TPGS2: variants seen among roughly 807,000 people sequenced by gnomAD.
TPGS2 encodes the protein tubulin polyglutamylase complex subunit 2.
In TPGS2, 26 loss-of-function variants were observed where a neutral mutation model predicts 31.1. That is an observed-to-expected ratio of 0.84 (90% confidence interval 0.61 to 1.16). TPGS2 has a LOEUF of 1.16. TPGS2 is among the 50% of genes most tolerant of loss of function. The pLI is 0.00. For synonymous variants in TPGS2, 130 were observed against 136.6 expected (o/e 0.95, Z 0.34); for missense variants, 351 against 363.8 (o/e 0.96, Z 0.29).
chr18:36,780,544 T>C (rs1303489164), downstream of TPGS2, among the ~76,000 whole-genome samples: 2 of 152,320 alleles, frequency 1.3e-5, no homozygotes, highest in African/African-American at 2.4e-5. Flanking sequence ...GGATATGTGC[T>C]GAGAAATGTG....
chr18:36,827,283 T>C (rs1655731542), intron 1 of TPGS2, among the ~76,000 whole-genome samples: 1 of 152,134 alleles, frequency 6.6e-6, no homozygotes, highest in African/African-American at 2.4e-5. Context: ...TAATTTCAAG[T>C]AGTGAAAGTG....
Position 36,796,442 on chromosome 18 carries a change from C to T in TPGS2, c.*363G>A. 9.7e-7 allele frequency: 1 copy of T among 1,032,834 alleles called. No homozygotes were observed. Among genetic ancestry groups the T allele is most frequent in the Non-Finnish European group, 1.2e-6 (1 of 861,824 alleles). The allele number at this position is 1,032,834 out of a possible 1,614,324, so 64.0% of individuals were successfully genotyped here. ...ATGTGACTAGTGGCTCCTGAATGAA[C>T]AATGCAGTTCTAATGCTTCATGGGT... is the stretch of plus-strand genomic sequence containing the variant. On this transcript the variant is annotated 3_prime_UTR_variant, in exon 7 of 7. Transcript: ENST00000334295.
intron 4 of TPGS2, among the ~76,000 whole-genome samples, chr18:36,802,084 T>TC (rs2044846086): frequency 6.6e-6 from 1 of 152,234 alleles, no homozygotes; most frequent in Non-Finnish European, 1.5e-5. Flanking sequence ...CCACCAATAA[T>TC]CCAAACCACT....
At chr18:36,800,417 C>G in intron 4 of TPGS2, 106 bp from the exon 5 acceptor site, 1 of 878,466 alleles carries the variant, frequency 1.1e-6, no homozygotes, top group Non-Finnish European at 1.9e-6. Context: ...AAAGCCTTAT[C>G]TCAGACATAT....
chr18:36,793,839 G>A (rs545624432), downstream of TPGS2, among the ~76,000 whole-genome samples: 73 of 151,736 alleles, frequency 4.8e-4, no homozygotes, highest in South Asian at 0.013. Context: ...CCAGGTTCAC[G>A]CCATTCTCCT....
downstream of TPGS2, among the ~76,000 whole-genome samples, chr18:36,790,946 G>GTC (rs2150535682): frequency 6.6e-6 from 1 of 152,290 alleles, no homozygotes; most frequent in East Asian, 1.9e-4. Context: ...CTGCATTTGT[G>GTC]TCCCTGCCCA....
chr18:36,792,412 T>C (rs1295833289), downstream of TPGS2, among the ~76,000 whole-genome samples: 2 of 152,230 alleles, frequency 1.3e-5, no homozygotes, highest in Admixed American at 6.5e-5. Flanking sequence ...TTAAAAACTC[T>C]CCATAATAAA....
intron 1 of TPGS2, among the ~76,000 whole-genome samples, chr18:36,824,988 C>G (rs2046066438): frequency 6.6e-6 from 1 of 152,090 alleles, no homozygotes; most frequent in Admixed American, 6.5e-5. Flanking sequence ...GGTTTTGGCT[C>G]TTACATTTAG....
chr18:36,783,067 G>C (rs978583659), exon 7 of TPGS2: 5 of 398,326 alleles, frequency 1.3e-5, no homozygotes, highest in Admixed American at 8.8e-5. Flanking sequence ...CCGGATTCCT[G>C]TTCTTCCTCT....
chr18:36,822,779 G>A (rs564131548), intron 1 of TPGS2, among the ~76,000 whole-genome samples: 1 of 151,966 alleles, frequency 6.6e-6, no homozygotes, highest in African/African-American at 2.4e-5. Flanking sequence ...ATTTTTTTTT[G>A]TAGAGACAGG....
In TPGS2 at chr18:36,805,415, T is replaced by C. The variant is rs1189784012; in HGVS notation, c.341A>G (p.Asn114Ser). Residue 114 changes from asparagine to serine, a missense_variant, in exon 4 of 7, where the codon AAT (asparagine) becomes AGT (serine). Physicochemically the swap from Asn to Ser is conservative, Grantham distance 46. Coordinates refer to ENST00000334295, the MANE Select transcript of TPGS2 (RefSeq NM_015476.4). Reference protein sequence around the residue: ...LTQSSMYSLPNAPTLADLEDD... With the variant: ...LTQSSMYSLPSAPTLADLEDD... ...CTCCAGGTCTGCCAGAGTGGGTGCA[T>C]TAGGAAGTGAATACATGGAAGACTG... 6.2e-7 allele frequency: 1 copy of C among 1,613,928 alleles called. No individual in the cohort carries two copies. Among genetic ancestry groups the C allele is most frequent in the South Asian group, 1.1e-5 (1 of 91,072 alleles).
intron 2 of TPGS2, among the ~76,000 whole-genome samples, chr18:36,811,605 G>C (rs1008843024): frequency 6.6e-6 from 1 of 152,068 alleles, no homozygotes; most frequent in African/African-American, 2.4e-5. Flanking sequence ...GAATTAGTGG[G>C]GGAAGCCTTT....
At chr18:36,828,481 C>T (rs547709179) in intron 1 of TPGS2, among the ~76,000 whole-genome samples, 15 of 152,248 alleles carry the variant, frequency 9.9e-5, no homozygotes, top group African/African-American at 3.1e-4. Context: ...CCCAGCTCTG[C>T]CTCCGAACAC....
chr18:36,781,114 GTC>G (rs948962250), downstream of TPGS2, among the ~76,000 whole-genome samples: 5 of 152,150 alleles, frequency 3.3e-5, no homozygotes, highest in African/African-American at 1.2e-4. Flanking sequence ...TCAAGCGCAG[GTC>G]ATCAACAGCT....
intron 4 of TPGS2, among the ~76,000 whole-genome samples, chr18:36,801,790 G>A (rs2044830434): frequency 6.6e-6 from 1 of 152,070 alleles, no homozygotes; most frequent in African/African-American, 2.4e-5. Flanking sequence ...TGATTATGGT[G>A]TTTCTTGTTA....
rs141571838 is a variant in TPGS2, at chr18:36,796,378, G to T, written c.*427C>A. The T allele has an allele frequency of 5.3e-5, 52 of 983,326 alleles. No homozygotes were observed. The East Asian group carries it at 4.6e-3, about 86-fold the overall frequency. The allele number at this position is 983,326 out of a possible 1,614,324, so 60.9% of individuals were successfully genotyped here. The stretch of plus-strand genomic sequence containing the variant: ...ATGTGGCTAATGCAATTGAAGAAAT[G>T]AATTTTTCATACAATTTACTTTAAA... On this transcript the variant is annotated 3_prime_UTR_variant, in exon 7 of 7. Transcript: ENST00000334295.
At chr18:36,812,973 G>GT (rs988020593) in intron 2 of TPGS2, among the ~76,000 whole-genome samples, 14 of 152,150 alleles carry the variant, frequency 9.2e-5, no homozygotes, top group Admixed American at 9.2e-4. Flanking sequence ...AACAGTGTGT[G>GT]TTTTTTCTAC....
chr18:36,828,993 T>C lies in TPGS2; in HGVS notation c.-226A>G. On this transcript the variant is annotated 5_prime_UTR_variant, in exon 1 of 7. Coordinates refer to ENST00000334295, the MANE Select transcript of TPGS2 (RefSeq NM_015476.4). ...CACACCGCACCTCCGGGACGTAGCTTCCCCTTCGCCCCCACCCTCTCGCCC... is the reference window on the plus strand; with the variant it reads ...CACACCGCACCTCCGGGACGTAGCTCCCCCTTCGCCCCCACCCTCTCGCCC... 1 of 1,109,814 alleles carries C rather than the reference T, an allele frequency of 9.0e-7. No individual in the cohort carries two copies. Among genetic ancestry groups the C allele is most frequent in the Non-Finnish European group, 1.2e-6 (1 of 821,794 alleles). 68.7% of individuals were successfully genotyped at this position (1,109,814 alleles called of 1,614,324 possible). A position where few individuals can be genotyped will look rare whatever the true frequency, so the allele number is the denominator to read the frequency against.
intron 2 of TPGS2, chr18:36,818,656 G>T: frequency 2.3e-6 from 1 of 440,558 alleles, no homozygotes. Context: ...ACACAACTTT[G>T]AATGTCCACT....
Sources: gnomAD v4.1 joint callset for allele counts (sites outside exome capture counted in the v4.1 genomes callset) on GRCh38, gnomAD v4.1.1 for gene constraint, MANE v1.5 for transcripts, NCBI Gene and HGNC (gene_info 2026-07-23, HGNC 2026-07-21) for gene names.